VEGFA: variants seen among roughly 807,000 people sequenced by gnomAD.
The protein encoded by VEGFA is vascular endothelial growth factor A, also known as vascular endothelial growth factor A, long form.
Under a neutral mutation model 49.7 loss-of-function variants are expected in VEGFA, and 20 were observed. That is an observed-to-expected ratio of 0.40 (90% CI 0.28 to 0.58). VEGFA has a LOEUF of 0.58. VEGFA is among the 20% of genes least tolerant of loss of function. VEGFA has a pLI of 0.40. For synonymous variants in VEGFA, 219 were observed against 223.4 expected, an observed-to-expected ratio of 0.98 and a Z score of 0.18; for missense variants, 505 against 553.5, an observed-to-expected ratio of 0.91 and a Z score of 0.88.
Position 43,785,458 on chromosome 6 carries a change from T to G in VEGFA, c.*896T>G. ...CGGCCTTCGCTTACTCTCACCTGCT[T>G]CTGAGTTGCCCAGGAGACCACTGGC... On this transcript the variant is annotated 3_prime_UTR_variant, in exon 8 of 8. Coordinates refer to ENST00000672860, the MANE Select transcript of VEGFA (RefSeq NM_003376.6). 4.5e-6 allele frequency: 1 copy of G among 221,000 alleles called. No homozygotes were observed. Among genetic ancestry groups the G allele is most frequent in the Non-Finnish European group, 9.1e-6 (1 of 110,100 alleles). The allele number at this position is 221,000 out of a possible 1,614,324, so 13.7% of individuals were successfully genotyped here. A position where few individuals can be genotyped will look rare whatever the true frequency, so the allele number is the denominator to read the frequency against.
At chr6:43,780,397 G>A (rs1767090744) in intron 5 of VEGFA, 1 of 396,442 alleles carries the variant, frequency 2.5e-6, no homozygotes. Context: ...CCCCCTGCCG[G>A]GGACTGGGAG....
In VEGFA at chr6:43,777,690, AAGGGGGGGATAGGG is replaced by A; in HGVS notation, c.855+33_855+46del. The A allele has an allele frequency of 4.7e-6, 4 of 859,040 alleles. No homozygotes were observed. The highest frequency in any genetic ancestry group is 7.3e-6 in the Non-Finnish European group (4 of 549,064). The allele number at this position is 859,040 out of a possible 1,614,324, so 53.2% of individuals were successfully genotyped here. A position where few individuals can be genotyped will look rare whatever the true frequency, so the allele number is the denominator to read the frequency against. On this transcript the variant is annotated intron_variant, in intron 3 of 7. Coordinates refer to ENST00000672860, the MANE Select transcript of VEGFA (RefSeq NM_003376.6). The surrounding 1 kb of genome is among the most constrained non-coding windows in gnomAD (Gnocchi z 4.3). ...GGTGGGCATCTTTGGGAAGTGGGGC[AAGGGGGGGATAGGG>A]AGGGGGGTAACACTTTGGGAACAGG...
Position 43,780,775 on chromosome 6 carries a change from A to T in VEGFA, c.1006A>T (p.Lys336Ter). 1 of 1,613,788 alleles carries T rather than the reference A, an allele frequency of 6.2e-7. No individual in the cohort carries two copies. Among genetic ancestry groups the T allele is most frequent in the Non-Finnish European group, 8.5e-7 (1 of 1,179,976 alleles). ...GGGAAAGGGGCAAAAACGAAAGCGC[A>T]AGAAATCCCGGTATAAGTCCTGGAG... The change falls in exon 6 of 8, where the codon AAG (lysine) becomes TAG (stop). Residue 336 changes from lysine (K) to a stop codon, truncating the protein, a stop_gained. Transcript: ENST00000672860. LOFTEE classifies it high-confidence loss of function.
chr6:43,774,025 G>C (rs999955296), intron 1 of VEGFA: 12 of 476,396 alleles, frequency 2.5e-5, no homozygotes, highest in African/African-American at 1.9e-4. Context: ...AGCAGGGAGA[G>C]GGAAGTGTGG....
At chr6:43,780,025 C>T (rs759783929) in intron 5 of VEGFA, 2 of 248,614 alleles carry the variant, frequency 8.0e-6, no homozygotes, top group South Asian at 9.5e-5. Flanking sequence ...TGCCAAGTAC[C>T]GCCCAAGCCT....
At chr6:43,779,005 C>G in intron 5 of VEGFA, 87 bp downstream of exon 5, 1 of 1,554,320 alleles carries the variant, frequency 6.4e-7, no homozygotes, top group Non-Finnish European at 8.9e-7. Flanking sequence ...TGGGGGCTCC[C>G]ATAGCCTCCC....
At chr6:43,784,488 C>T (rs1184137047) in intron 7 of VEGFA, 53 bp from the exon 8 acceptor site, 10 of 1,588,406 alleles carry the variant, frequency 6.3e-6, no homozygotes, top group Non-Finnish European at 8.6e-6. Context: ...TGCCTCATCG[C>T]CAGGCCTCCT....
chr6:43,779,279 G>A (rs1766513792), intron 5 of VEGFA: 1 of 453,484 alleles, frequency 2.2e-6, no homozygotes, highest in Non-Finnish European at 4.0e-6. Flanking sequence ...GTGGCAGAGA[G>A]GCCAGCTTTT....
intron 1 of VEGFA, 151 bp downstream of exon 1, chr6:43,771,463 C>T (rs1302941010): frequency 3.7e-6 from 3 of 810,450 alleles, no homozygotes; most frequent in Non-Finnish European, 5.3e-6. Context: ...GTCTTAGGTG[C>T]AGGGGGAGGG....
chr6:43,774,183 G>T (rs1380571227), intron 1 of VEGFA, 158 bp from the exon 2 acceptor site: 22 of 748,046 alleles, frequency 2.9e-5, no homozygotes, highest in Non-Finnish European at 4.7e-6. Context: ...TTCTGTGCCC[G>T]TGGGGACCCC....
Position 43,770,653 on chromosome 6 carries a change from G to C in VEGFA, c.-54G>C. The stretch of plus-strand genomic sequence containing the variant: ...GAGTGACCTGCTTTTGGGGGTGACC[G>C]CCGGAGCGCGGCGTGAGCCCTCCCC... On this transcript the variant is annotated 5_prime_UTR_variant, in exon 1 of 8. Transcript: ENST00000672860. 1 of 1,506,904 alleles carries C rather than the reference G, an allele frequency of 6.6e-7. No homozygotes were observed. The highest frequency in any genetic ancestry group is 8.8e-7 in the Non-Finnish European group (1 of 1,138,814). The allele number at this position is 1,506,904 out of a possible 1,614,324, so 93.3% of individuals were successfully genotyped here.
chr6:43,781,903 T>C, intron 6 of VEGFA, 53 bp from the exon 7 acceptor site: 1 of 1,608,978 alleles, frequency 6.2e-7, no homozygotes, highest in Non-Finnish European at 8.5e-7. Context: ...ATTTTTTTTC[T>C]CTCTCTCTGC....
In VEGFA at chr6:43,770,446, C is replaced by T; in HGVS notation, c.-261C>T. 1 of 543,656 alleles carries T rather than the reference C, an allele frequency of 1.8e-6. No individual in the cohort carries two copies. Among genetic ancestry groups the T allele is most frequent in the African/African-American group, 2.0e-5 (1 of 50,986 alleles). The allele number at this position is 543,656 out of a possible 1,614,324, so 33.7% of individuals were successfully genotyped here. On this transcript the variant is annotated 5_prime_UTR_variant, in exon 1 of 8. Transcript: ENST00000672860. ...TTAATTTATTTTTGCTTGCCATTCCCCACTTGAATCGGGCCGACGGCTTGG... is the reference window on the plus strand; with the variant it reads ...TTAATTTATTTTTGCTTGCCATTCCTCACTTGAATCGGGCCGACGGCTTGG...
chr6:43,782,389 T>C, intron 7 of VEGFA: 1 of 416,464 alleles, frequency 2.4e-6, no homozygotes, highest in East Asian at 5.4e-5. Flanking sequence ...TTGTGTCCTG[T>C]GGTCCTTCTG....
intron 7 of VEGFA, 129 bp from the exon 8 acceptor site, chr6:43,784,412 C>T (rs1769031500): frequency 2.2e-6 from 2 of 901,564 alleles, no homozygotes; most frequent in African/African-American, 1.6e-5. Flanking sequence ...ACCTTCCTGT[C>T]CTCTCTGCTC....
At chr6:43,772,828 G>T (rs1764062877) in intron 1 of VEGFA, among the ~76,000 whole-genome samples, 1 of 152,226 alleles carries the variant, frequency 6.6e-6, no homozygotes, top group Non-Finnish European at 1.5e-5. Flanking sequence ...TTGGCTACAG[G>T]CCTCCAAGTA....
intron 6 of VEGFA, 187 bp from the exon 7 acceptor site, chr6:43,781,769 A>T: frequency 1.4e-6 from 1 of 696,010 alleles, no homozygotes; most frequent in Non-Finnish European, 2.4e-6. Flanking sequence ...TGTCCTAGCC[A>T]GTGCTGCCTC....
intron 7 of VEGFA, chr6:43,782,479 G>A (rs566524474): frequency 1.1e-4 from 37 of 334,668 alleles, no homozygotes; most frequent in South Asian, 8.6e-4. Context: ...TCCAGGTGTG[G>A]ACAATGTCAA....
chr6:43,772,034 G>A, intron 1 of VEGFA: 1 of 985,384 alleles, frequency 1.0e-6, no homozygotes, highest in Non-Finnish European at 1.2e-6. Context: ...CTGCCCGAAT[G>A]GGGAGCCCAG....
Sources: allele counts gnomAD v4.1 joint callset (sites outside exome capture counted in the v4.1 genomes callset), GRCh38; gene constraint gnomAD v4.1.1; non-coding constraint Gnocchi (gnomAD v3.1); transcripts MANE v1.5; gene names NCBI Gene and HGNC (gene_info 2026-07-23, HGNC 2026-07-21).